The following SUSD4 variants were observed in gnomAD, a reference collection of about 807,000 sequenced individuals.
SUSD4 encodes sushi domain containing 4.
In SUSD4, 41 loss-of-function variants were observed where a neutral mutation model predicts 50.5. That is an observed-to-expected ratio of 0.81 (90% CI 0.63 to 1.05). The LOEUF is 1.05. Ranked by LOEUF, SUSD4 falls within the 50% of genes least tolerant of loss-of-function variation. SUSD4 has a pLI of 0.00. For synonymous variants in SUSD4, 257 were observed against 257.3 expected (o/e 1.00, Z 0.01); for missense variants, 580 against 634.7 (o/e 0.91, Z 0.93).
intron 2 of SUSD4, among the ~76,000 whole-genome samples, chr1:223,300,886 C>G (rs966624471): frequency 2.0e-5 from 3 of 151,974 alleles, no homozygotes; most frequent in African/African-American, 7.3e-5. Context: ...CCTTTGTCTC[C>G]CAGAGGAGGA....
rs149221231 is a variant in SUSD4, at chr1:223,231,663, C to T, written c.725-2275G>A. On this transcript the variant is annotated intron_variant, in intron 5 of 8. Coordinates refer to ENST00000366878, the MANE Select transcript of SUSD4 (RefSeq NM_017982.4). This position sits in a 1 kb window ranked among gnomAD's most constrained non-coding sequence, Gnocchi z 4.2. ...GGGAGAGAGAAAAAGGCACTGGCCA[C>T]GTTGTTGAACTGGTCCTGGGAGATC... 6.6e-6 allele frequency among the ~76,000 whole-genome samples: 1 copy of T among 152,354 alleles called. No homozygotes were observed. The highest frequency in any genetic ancestry group is 1.9e-4 in the East Asian group (1 of 5,180).
In SUSD4 at chr1:223,227,558, G is replaced by C; in HGVS notation, c.1061+36C>G. The C allele has an allele frequency of 3.1e-6, 5 of 1,606,230 alleles. No homozygotes were observed. The highest frequency in any genetic ancestry group is 4.3e-6 in the Non-Finnish European group (5 of 1,173,966). On this transcript the variant is annotated intron_variant, in intron 7 of 8. Transcript: ENST00000366878. The surrounding 1 kb of genome is among the most constrained non-coding windows in gnomAD (Gnocchi z 4.5). ...TGCTAAGGGTAGCTGCATTGAGTCAGACCTTGAGCCACAGCTGCCAAGACA... is the reference window on the plus strand; with the variant it reads ...TGCTAAGGGTAGCTGCATTGAGTCACACCTTGAGCCACAGCTGCCAAGACA...
chr1:223,285,342 G>A (rs763441188), intron 3 of SUSD4, among the ~76,000 whole-genome samples: 13 of 152,100 alleles, frequency 8.5e-5, no homozygotes, highest in Non-Finnish European at 1.9e-4. Flanking sequence ...GATGTGTAGC[G>A]ACGTTCCTCC....
chr1:223,282,225 G>C (rs1300038956), intron 3 of SUSD4, among the ~76,000 whole-genome samples: 1 of 152,178 alleles, frequency 6.6e-6, no homozygotes, highest in Non-Finnish European at 1.5e-5. Flanking sequence ...CATAGTGTTG[G>C]AAGTTCTGGC....
chr1:223,292,275 A>G (rs1456248179), intron 3 of SUSD4, among the ~76,000 whole-genome samples, 164 bp downstream of exon 3: 1 of 152,226 alleles, frequency 6.6e-6, no homozygotes, highest in African/African-American at 2.4e-5. Context: ...TTAACCCTCT[A>G]TCCCAACCCT....
intron 2 of SUSD4, among the ~76,000 whole-genome samples, chr1:223,305,836 C>T (rs1393694667): frequency 1.3e-5 from 2 of 152,148 alleles, no homozygotes; most frequent in Non-Finnish European, 1.5e-5. Flanking sequence ...GGGCTAAAGG[C>T]TTAGTATGCA....
intron 3 of SUSD4, among the ~76,000 whole-genome samples, chr1:223,274,331 GGAGA>G (rs904200978): frequency 6.6e-6 from 1 of 152,200 alleles, no homozygotes; most frequent in Admixed American, 6.5e-5. Flanking sequence ...AGAGATGACT[GGAGA>G]GAGAGGATGC....
At position 223,264,695 on chromosome 1, in the gene SUSD4, G is replaced by T. The variant is rs1441489731; in HGVS notation, c.659C>A (p.Ala220Glu). The change falls in exon 5 of 9, where the codon GCG (alanine) becomes GAG (glutamate). Residue 220 changes from alanine (A) to glutamate (E), a missense_variant. Physicochemically the swap from Ala to Glu is moderately radical, Grantham distance 107. Transcript: ENST00000366878. ...CFPGFKLDGSAYLECLQNLIW... is the reference protein window; with the variant it reads ...CFPGFKLDGSEYLECLQNLIW... ...AAGGTTTTGTAAGCACTCAAGATAC[G>T]CAGACCCATCAAGTTTAAATCCGGG... 4 of 1,614,208 alleles carry T rather than the reference G, an allele frequency of 2.5e-6. No individual in the cohort carries two copies. In the East Asian group the frequency reaches 8.9e-5, roughly 36 times the overall value.
chr1:223,358,924 C>T, intron 2 of SUSD4: 1 of 310,492 alleles, frequency 3.2e-6, no homozygotes, highest in South Asian at 3.0e-5. Context: ...AAATGTTTCT[C>T]AATAAAACTA....
intron 5 of SUSD4, chr1:223,263,617 C>A: frequency 5.1e-6 from 5 of 985,324 alleles, no homozygotes; most frequent in Non-Finnish European, 6.0e-6. Flanking sequence ...TTCCCTCCTT[C>A]CCCCATCCTT....
At chr1:223,256,708 C>G (rs188060534) in intron 5 of SUSD4, among the ~76,000 whole-genome samples, 1 of 152,294 alleles carries the variant, frequency 6.6e-6, no homozygotes, top group East Asian at 1.9e-4. Flanking sequence ...AATCTGACCA[C>G]CAGGAAGGAG....
At chr1:223,233,121 TCAC>T (rs1006365948) in intron 5 of SUSD4, among the ~76,000 whole-genome samples, 4 of 152,216 alleles carry the variant, frequency 2.6e-5, no homozygotes, top group South Asian at 2.1e-4. Context: ...ACACATCTCA[TCAC>T]CACATTTTCT....
intron 5 of SUSD4, among the ~76,000 whole-genome samples, chr1:223,232,100 T>C (rs1659935791): frequency 1.3e-5 from 2 of 152,216 alleles, no homozygotes; most frequent in Admixed American, 6.5e-5. Context: ...ATTTCACTTA[T>C]ATGTGAAATC....
rs1406076545 is a variant in SUSD4 at position 223,293,592 on chromosome 1, G to A, written c.149-941C>T. 2.0e-5 allele frequency among the ~76,000 whole-genome samples: 3 copies of A among 152,218 alleles called. No individual in the cohort carries two copies. The East Asian group carries it at 5.8e-4, about 29-fold the overall frequency. ...CCCAGGCAGGAGAGCAAGCAAGGGT[G>A]TGGGTAAGGGGTGATGGGCTGAGAG... On this transcript the variant is annotated intron_variant, in intron 2 of 8. Coordinates refer to ENST00000366878, the MANE Select transcript of SUSD4 (RefSeq NM_017982.4).
At chr1:223,310,954 T>C (rs825123) in intron 2 of SUSD4, among the ~76,000 whole-genome samples, 142,888 of 152,068 alleles carry the variant, frequency 0.94, 67,697 homozygotes, top group East Asian at 1. Context: ...TAGTGCCCCC[T>C]CTAAATCATC....
chr1:223,221,119 G>A lies in SUSD4; in HGVS notation c.*1073C>T. On this transcript the variant is annotated 3_prime_UTR_variant, in exon 9 of 9. Transcript: ENST00000366878. ...TGCAGGAATGATAGGCAGGTGAGGTGGCTGAGCTATCTGGGCTGGGAGGCC... is the reference window on the plus strand; with the variant it reads ...TGCAGGAATGATAGGCAGGTGAGGTAGCTGAGCTATCTGGGCTGGGAGGCC... 2.5e-6 allele frequency: 1 copy of A among 400,862 alleles called. No homozygotes were observed. Among genetic ancestry groups the A allele is most frequent in the Non-Finnish European group, 4.4e-6 (1 of 226,262 alleles). 24.8% of individuals were successfully genotyped at this position (400,862 alleles called of 1,614,324 possible). A position where few individuals can be genotyped will look rare whatever the true frequency, so the allele number is the denominator to read the frequency against.
At chr1:223,273,780 T>C (rs866199764) in intron 3 of SUSD4, among the ~76,000 whole-genome samples, 2 of 152,326 alleles carry the variant, frequency 1.3e-5, no homozygotes, top group Middle Eastern at 6.8e-3. Context: ...CATACATTGT[T>C]GCTGGAAAAA....
intron 5 of SUSD4, among the ~76,000 whole-genome samples, chr1:223,246,080 C>T (rs1452413538): frequency 2.0e-5 from 3 of 152,048 alleles, no homozygotes; most frequent in African/African-American, 7.3e-5. Flanking sequence ...TCTTTACAGC[C>T]ACGGGACTGC....
At chr1:223,226,459 G>C (rs528832649) in intron 7 of SUSD4, among the ~76,000 whole-genome samples, 56 of 152,342 alleles carry the variant, frequency 3.7e-4, no homozygotes, top group African/African-American at 1.3e-3. Context: ...GCCAGGCAGG[G>C]GAGAATTGCT....
Sources: gnomAD v4.1 joint callset for allele counts (sites outside exome capture counted in the v4.1 genomes callset) on GRCh38, gnomAD v4.1.1 for gene constraint, Gnocchi (gnomAD v3.1) non-coding constraint, MANE v1.5 for transcripts, NCBI Gene and HGNC (gene_info 2026-07-23, HGNC 2026-07-21) for gene names.